Variants in NFIB observed in about 807,000 individuals in gnomAD.
NFIB encodes the protein nuclear factor 1 B-type.
NFIB carries 11 observed loss-of-function variants against 61.5 expected under a neutral mutation model. That is an observed-to-expected ratio of 0.18 (90% confidence interval 0.11 to 0.30). The LOEUF is 0.30. Ranked by LOEUF, NFIB falls within the 10% of genes least tolerant of loss-of-function variation. The pLI is 1.00. For synonymous variants in NFIB, 260 were observed against 216.5 expected (o/e 1.20, Z -1.76); for missense variants, 471 against 608.9 (o/e 0.77, Z 2.38).
At chr9:14,247,910 G>T (rs2055112484) in intron 2 of NFIB, among the ~76,000 whole-genome samples, 2 of 151,044 alleles carry the variant, frequency 1.3e-5, no homozygotes, top group South Asian at 2.1e-4. Context: ...TGTCTACACA[G>T]TATCTACTAA....
At chr9:14,454,837 G>A in the NFIB span, among the ~76,000 whole-genome samples, 1 of 152,176 alleles carries the variant, frequency 6.6e-6, no homozygotes, top group Non-Finnish European at 1.5e-5. Context: ...GTCATTCTGA[G>A]CAGAAGCTTT....
the NFIB span, among the ~76,000 whole-genome samples, chr9:14,504,042 C>T: frequency 8.1e-3 from 1,236 of 152,202 alleles, 23 homozygotes; most frequent in African/African-American, 0.028. Context: ...ATGTGGTTTG[C>T]CAATTATCCC....
rs528014551 is a variant in NFIB, at chr9:14,169,708, C to T, written c.616+10019G>A. ...CGGCCCATGCCTGTAGTCCCAGCTA[C>T]TCAGGAGGCTGAGGCAGGAGAATTG... On this transcript the variant is annotated intron_variant, in intron 3 of 10. Transcript: ENST00000380953. 7.9e-5 allele frequency among the ~76,000 whole-genome samples: 12 copies of T among 152,308 alleles called. No individual in the cohort carries two copies. The South Asian group carries it at 1.7e-3, about 21-fold the overall frequency.
chr9:14,306,950 G>A (rs1226745194), intron 2 of NFIB, 39 bp downstream of exon 2: 3 of 1,603,640 alleles, frequency 1.9e-6, no homozygotes, highest in East Asian at 2.2e-5. Context: ...TTTGTAGGCG[G>A]TGTTTGCCGT....
intron 10 of NFIB, chr9:14,094,399 T>G (rs1250081038): frequency 6.6e-6 from 1 of 152,116 alleles, no homozygotes; most frequent in Non-Finnish European, 1.5e-5. Context: ...TTGTCTTACA[T>G]ATGTGCAGAT....
intron 2 of NFIB, among the ~76,000 whole-genome samples, chr9:14,242,815 A>G (rs2054495531): frequency 6.6e-6 from 1 of 152,224 alleles, no homozygotes. Context: ...TTAAACCAAG[A>G]TGGAGAGAAA....
intron 2 of NFIB, among the ~76,000 whole-genome samples, chr9:14,243,550 G>T (rs924928633): frequency 3.3e-5 from 5 of 152,060 alleles, no homozygotes; most frequent in African/African-American, 1.2e-4. Context: ...GGAAATAAAT[G>T]AGTTTTCAAG....
the NFIB span, among the ~76,000 whole-genome samples, chr9:14,469,944 G>C: frequency 6.6e-6 from 1 of 152,160 alleles, no homozygotes; most frequent in East Asian, 1.9e-4. Context: ...TTGTGTTGTG[G>C]TTAAATAATT....
the NFIB span, among the ~76,000 whole-genome samples, chr9:14,404,269 T>C: frequency 1.3e-5 from 2 of 152,278 alleles, no homozygotes; most frequent in East Asian, 1.9e-4. Flanking sequence ...TAGGTGAGCA[T>C]ATCTACCACC....
chr9:14,283,364 C>G (rs1489719639), intron 2 of NFIB, among the ~76,000 whole-genome samples: 3 of 152,184 alleles, frequency 2.0e-5, no homozygotes, highest in Non-Finnish European at 2.9e-5. Flanking sequence ...CTATGCAAAT[C>G]AAAACTGTGG....
chr9:14,338,806 CATCT>C (rs1181420275), intron 1 of NFIB, among the ~76,000 whole-genome samples: 7 of 151,820 alleles, frequency 4.6e-5, no homozygotes, highest in South Asian at 2.1e-4. Context: ...TTCATCCATC[CATCT>C]ATCTATCCAT....
At chr9:14,499,389 T>C in the NFIB span, among the ~76,000 whole-genome samples, 1 of 152,126 alleles carries the variant, frequency 6.6e-6, no homozygotes, top group Non-Finnish European at 1.5e-5. Context: ...GCCCCCTCCC[T>C]TCCTGTGTGA....
At chr9:14,162,377 G>A (rs927248344) in intron 3 of NFIB, among the ~76,000 whole-genome samples, 13 of 151,774 alleles carry the variant, frequency 8.6e-5, no homozygotes, top group African/African-American at 1.7e-4. Flanking sequence ...GAGATTCTCC[G>A]GTTTTTTTCT....
the NFIB span, among the ~76,000 whole-genome samples, chr9:14,528,042 C>T: frequency 1.3e-5 from 2 of 152,064 alleles, no homozygotes; most frequent in African/African-American, 2.4e-5. Flanking sequence ...GTAACATATA[C>T]TAGTTTCAGC....
the NFIB span, among the ~76,000 whole-genome samples, chr9:14,438,756 G>T: frequency 6.6e-6 from 1 of 152,102 alleles, no homozygotes; most frequent in Non-Finnish European, 1.5e-5. Context: ...TCGTGAGCGG[G>T]GGCTGATCCA....
chr9:14,463,795 G>A, the NFIB span, among the ~76,000 whole-genome samples: 1 of 151,514 alleles, frequency 6.6e-6, no homozygotes, highest in Non-Finnish European at 1.5e-5. Context: ...CGAGTAGCTG[G>A]GACTACAGGC....
At chr9:14,214,310 C>T (rs1353757904) in intron 2 of NFIB, among the ~76,000 whole-genome samples, 1 of 152,228 alleles carries the variant, frequency 6.6e-6, no homozygotes, top group Non-Finnish European at 1.5e-5. Context: ...TGGACCCATG[C>T]AGTCACATAG....
chr9:14,481,742 T>C, the NFIB span, among the ~76,000 whole-genome samples: 2 of 152,058 alleles, frequency 1.3e-5, no homozygotes, highest in African/African-American at 2.4e-5. Context: ...TGCTAACATA[T>C]AGAATGTTAG....
chr9:14,301,909 G>A (rs1362325065), intron 2 of NFIB, among the ~76,000 whole-genome samples: 1 of 152,188 alleles, frequency 6.6e-6, no homozygotes, highest in East Asian at 1.9e-4. Context: ...TGTGAATTGT[G>A]TATGAGCCAG....
Sources: allele counts gnomAD v4.1 joint callset (sites outside exome capture counted in the v4.1 genomes callset), GRCh38; gene constraint gnomAD v4.1.1; transcripts MANE v1.5; gene names NCBI Gene and HGNC (gene_info 2026-07-23, HGNC 2026-07-21).